The following CPNE5 variants were observed in gnomAD, a reference collection of about 807,000 sequenced individuals.
CPNE5 encodes copine 5.
In CPNE5, 42 loss-of-function variants were observed where a neutral mutation model predicts 81.1. That is an observed-to-expected ratio of 0.52 (90% confidence interval 0.40 to 0.67). The LOEUF (loss-of-function observed/expected upper bound fraction) is 0.67. Among genes scored for constraint, CPNE5 ranks in the 30% least tolerant of loss-of-function variants. CPNE5 has a pLI of 0.00. For missense variants in CPNE5, 612 were observed against 815.5 expected (o/e 0.75, Z 3.04); for synonymous variants, 313 against 321.5 (o/e 0.97, Z 0.28).
At chr6:36,826,965 A>G (rs184879672) in intron 1 of CPNE5, among the ~76,000 whole-genome samples, 1 of 152,268 alleles carries the variant, frequency 6.6e-6, no homozygotes, top group East Asian at 1.9e-4. Context: ...GGACCTCGTC[A>G]GCCTTGTCAG....
At chr6:36,788,411 C>T (rs530593809) in intron 8 of CPNE5, among the ~76,000 whole-genome samples, 1 of 152,208 alleles carries the variant, frequency 6.6e-6, no homozygotes, top group South Asian at 2.1e-4. Flanking sequence ...GTGACTGTTC[C>T]CTGTACCGTG....
chr6:36,821,122 G>A (rs542312951), intron 3 of CPNE5, among the ~76,000 whole-genome samples: 1 of 109,144 alleles, frequency 9.2e-6, no homozygotes, highest in East Asian at 4.1e-4. Flanking sequence ...GCATGGAAGG[G>A]CTACTAAGCC....
chr6:36,796,603 T>C (rs1457992257), intron 6 of CPNE5, among the ~76,000 whole-genome samples: 1 of 152,184 alleles, frequency 6.6e-6, no homozygotes, highest in Non-Finnish European at 1.5e-5. Flanking sequence ...AGAAAGAATA[T>C]AAAATTACGA....
intron 7 of CPNE5, chr6:36,792,428 T>G: frequency 7.2e-7 from 1 of 1,383,506 alleles, no homozygotes. Context: ...TTCTCAAACT[T>G]TCCATCCAAA....
At chr6:36,768,222 G>GTTTTTTTTTT in intron 10 of CPNE5, among the ~76,000 whole-genome samples, 1 of 43,578 alleles carries the variant, frequency 2.3e-5, no homozygotes, top group Non-Finnish European at 5.2e-5. Context: ...TCTATTCACA[G>GTTTTTTTTTT]TTCTTTTTTT....
chr6:36,794,328 T>A (rs1769370533), intron 7 of CPNE5, among the ~76,000 whole-genome samples: 1 of 152,010 alleles, frequency 6.6e-6, no homozygotes, highest in Non-Finnish European at 1.5e-5. Context: ...CCCCACCCTC[T>A]CCCTGAAGTC....
At chr6:36,750,515 G>C (rs1450513565) in intron 14 of CPNE5, among the ~76,000 whole-genome samples, 1 of 152,130 alleles carries the variant, frequency 6.6e-6, no homozygotes, top group African/African-American at 2.4e-5. Context: ...CAAGAACCTG[G>C]GTCCCTGAAT....
chr6:36,754,319 A>C (rs1765175618), intron 13 of CPNE5: 1 of 151,662 alleles, frequency 6.6e-6, no homozygotes, highest in Non-Finnish European at 1.5e-5. Context: ...AACTGCCCTG[A>C]CCATATGGGT....
At chr6:36,764,943 G>A (rs1562111833) in intron 11 of CPNE5, among the ~76,000 whole-genome samples, 5 of 146,564 alleles carry the variant, frequency 3.4e-5, no homozygotes, top group South Asian at 2.2e-4. Flanking sequence ...GTCTTCACGC[G>A]GAAAATGTGT....
chr6:36,839,575 A>T (rs1288945855), upstream of CPNE5: 32 of 339,578 alleles, frequency 9.4e-5, no homozygotes, highest in Middle Eastern at 7.4e-4. This position sits in a 1 kb window ranked among gnomAD's most constrained non-coding sequence, Gnocchi z 7.3. Flanking sequence ...CGGATCGAGG[A>T]GGGGGCTCGG....
At chr6:36,818,808 C>A (rs1016366791) in intron 3 of CPNE5, among the ~76,000 whole-genome samples, 71 of 152,294 alleles carry the variant, frequency 4.7e-4, no homozygotes, top group African/African-American at 1.6e-3. Flanking sequence ...CAATCAGAAA[C>A]CCTCAACCAA....
chr6:36,755,452 T>C (rs1046899545), intron 13 of CPNE5: 1 of 152,160 alleles, frequency 6.6e-6, no homozygotes, highest in African/African-American at 2.4e-5. Context: ...CTCCATTGCC[T>C]GTCCCTTTAC....
At chr6:36,765,236 CG>C (rs1201652817) in intron 11 of CPNE5, 98 bp downstream of exon 11, 32 of 1,348,726 alleles carry the variant, frequency 2.4e-5, no homozygotes, top group Admixed American at 7.6e-5. Context: ...AGAGCCACTG[CG>C]GGGGGGAGCC....
chr6:36,777,766 CCA>C (rs34423091), intron 9 of CPNE5, among the ~76,000 whole-genome samples: 6,203 of 106,948 alleles, frequency 0.058, 181 homozygotes, highest in East Asian at 0.12. Context: ...CCCCCCCCCA[CCA>C]CACACACACA....
chr6:36,829,598 AG>A (rs1447390083), intron 1 of CPNE5, among the ~76,000 whole-genome samples: 1 of 152,104 alleles, frequency 6.6e-6, no homozygotes, highest in Non-Finnish European at 1.5e-5. Flanking sequence ...GGATCACTTG[AG>A]GTCAGGAGTT....
intron 10 of CPNE5, among the ~76,000 whole-genome samples, chr6:36,767,376 C>T (rs149763053): frequency 1.6e-4 from 25 of 152,292 alleles, no homozygotes; most frequent in African/African-American, 5.5e-4. Context: ...ACCTCCACCC[C>T]ACTGTCAGAT....
intron 10 of CPNE5, among the ~76,000 whole-genome samples, chr6:36,767,887 T>A (rs1766699317): frequency 6.6e-6 from 1 of 152,106 alleles, no homozygotes; most frequent in African/African-American, 2.4e-5. Context: ...CAATTTGGAA[T>A]CCCCCCAAGA....
chr6:36,787,099 T>A (rs1768628009), intron 8 of CPNE5, among the ~76,000 whole-genome samples: 1 of 152,184 alleles, frequency 6.6e-6, no homozygotes, highest in Non-Finnish European at 1.5e-5. Flanking sequence ...GACTCTCCTA[T>A]GTATCAACCT....
chr6:36,787,812 C>A (rs904814024), intron 8 of CPNE5, among the ~76,000 whole-genome samples: 3 of 152,110 alleles, frequency 2.0e-5, no homozygotes, highest in Non-Finnish European at 4.4e-5. Context: ...TCCATCACTG[C>A]CTCCTCCATG....
Sources: gnomAD v4.1 joint callset for allele counts (sites outside exome capture counted in the v4.1 genomes callset) on GRCh38, gnomAD v4.1.1 for gene constraint, Gnocchi (gnomAD v3.1) non-coding constraint, MANE v1.5 for transcripts, NCBI Gene and HGNC (gene_info 2026-07-23, HGNC 2026-07-21) for gene names.